ABCC4: variants seen among roughly 807,000 people sequenced by gnomAD.
ABCC4 encodes the protein ATP binding cassette subfamily C member 4 (PEL blood group).
In ABCC4, 102 loss-of-function variants were observed where a neutral mutation model predicts 168.5. The ratio of observed to expected loss-of-function variants is 0.61; its 90% CI spans 0.52 to 0.71. The LOEUF (loss-of-function observed/expected upper bound fraction) is 0.71. Ranked by LOEUF, ABCC4 falls within the 30% of genes least tolerant of loss-of-function variation. The pLI is 0.00. For missense variants in ABCC4, 1,402 were observed against 1,605.8 expected, an observed-to-expected ratio of 0.87 and a Z score of 2.17; for synonymous variants, 617 against 590.7, an observed-to-expected ratio of 1.04 and a Z score of -0.65.
rs186842316 is a variant in ABCC4, at chr13:95,176,057, C to T, written c.1727+1650G>A. Among the ~76,000 whole-genome samples, 58 of 152,212 alleles carry T rather than the reference C, an allele frequency of 3.8e-4. No individual in the cohort carries two copies. In the East Asian group the frequency reaches 9.7e-3, roughly 25 times the overall value. Reference sequence around the variant, plus strand: ...AATTGAATCCTACTCTCAGCCACCACAAACCCTTACCAGCCTGCAGGACCA... The same window carrying T: ...AATTGAATCCTACTCTCAGCCACCATAAACCCTTACCAGCCTGCAGGACCA... On this transcript the variant is annotated intron_variant, in intron 13 of 30. Transcript: ENST00000645237.
At chr13:95,234,059 G>A (rs915537528) in intron 4 of ABCC4, among the ~76,000 whole-genome samples, 3 of 152,172 alleles carry the variant, frequency 2.0e-5, no homozygotes, top group African/African-American at 7.2e-5. Context: ...TATGGAATAT[G>A]ACTAAATGGT....
Position 95,161,303 on chromosome 13 carries a change from C to A in ABCC4, c.2341G>T (p.Ala781Ser). 6.3e-7 allele frequency: 1 copy of A among 1,596,318 alleles called. No individual in the cohort carries two copies. The highest frequency in any genetic ancestry group is 1.8e-5 in the Admixed American group (1 of 54,390). The change falls in exon 19 of 31, where the codon GCA (alanine) becomes TCA (serine). Residue 781 changes from alanine (A) to serine (S), a missense_variant. By Grantham distance (99) the Ala-to-Ser change is moderately conservative. Coordinates refer to ENST00000645237, the MANE Select transcript of ABCC4 (RefSeq NM_005845.5). The part of the protein sequence containing the change: ...LTVATVLFGI[A>S]RSLLVFYVLV... ...ACGTAGAATACCAATAGAGATCTTG[C>A]TATGCCAAAAAGAACGGTAGCTACA... is the stretch of plus-strand genomic sequence containing the variant.
chr13:95,108,126 T>C (rs2035071886), intron 20 of ABCC4, among the ~76,000 whole-genome samples: 1 of 152,144 alleles, frequency 6.6e-6, no homozygotes, highest in African/African-American at 2.4e-5. Context: ...CCACTCAAAA[T>C]GTCTAAAAGA....
At position 95,173,413 on chromosome 13, in the gene ABCC4, G is replaced by A. The variant is rs573345908; in HGVS notation, c.1728-2785C>T. ...AGACAGAGAAAGCGCCATGCCCTCC[G>A]AGGAGCAGAAGAGAAAGGCAGGAGG... On this transcript the variant is annotated intron_variant, in intron 13 of 30. Coordinates refer to ENST00000645237, the MANE Select transcript of ABCC4 (RefSeq NM_005845.5). Among the ~76,000 whole-genome samples the A allele has an allele frequency of 1.4e-4, 21 of 152,356 alleles. No homozygotes were observed. In the East Asian group the frequency reaches 1.7e-3, roughly 13 times the overall value.
chr13:95,279,560 T>C (rs1394876182), intron 1 of ABCC4, among the ~76,000 whole-genome samples: 1 of 152,062 alleles, frequency 6.6e-6, no homozygotes, highest in Non-Finnish European at 1.5e-5. Flanking sequence ...AGCGCTGAAA[T>C]AAGGAGGGCA....
intron 19 of ABCC4, among the ~76,000 whole-genome samples, chr13:95,145,041 A>G (rs1432567797): frequency 6.6e-6 from 1 of 152,334 alleles, no homozygotes; most frequent in Admixed American, 6.5e-5. Flanking sequence ...GCATATGAAA[A>G]AAAGCTCAAC....
At chr13:95,033,388 C>T (rs1241776609) in intron 30 of ABCC4, among the ~76,000 whole-genome samples, 1 of 152,128 alleles carries the variant, frequency 6.6e-6, no homozygotes, top group Admixed American at 6.5e-5. Flanking sequence ...AAGCCAAGAA[C>T]ATTGGATGTT....
Position 95,071,644 on chromosome 13 carries a change from A to G in ABCC4, c.3210+18T>C. ...AAATCTTCTGAAATTGAGAAGAGGC[A>G]AGATGCTTTAAACAAACCTTTTCTT... On this transcript the variant is annotated intron_variant, in intron 25 of 30. Transcript: ENST00000645237. The G allele has an allele frequency of 7.1e-7, 1 of 1,402,526 alleles. No homozygotes were observed. The highest frequency in any genetic ancestry group is 1.9e-5 in the South Asian group (1 of 52,192). The allele number at this position is 1,402,526 out of a possible 1,614,324, so 86.9% of individuals were successfully genotyped here. A position where few individuals can be genotyped will look rare whatever the true frequency, so the allele number is the denominator to read the frequency against.
chr13:95,041,490 T>C (rs2032357909), intron 29 of ABCC4, among the ~76,000 whole-genome samples: 1 of 152,234 alleles, frequency 6.6e-6, no homozygotes, highest in East Asian at 1.9e-4. Context: ...ATTACAGGAC[T>C]GCATGATGAC....
At position 95,155,253 on chromosome 13, in the gene ABCC4, A is replaced by G. The variant is rs565193162; in HGVS notation, c.2455+5936T>C. 1.1e-4 allele frequency among the ~76,000 whole-genome samples: 16 copies of G among 152,014 alleles called. 1 individual carries two copies. The highest frequency in any genetic ancestry group is 3.9e-4 in the African/African-American group (16 of 41,454). On this transcript the variant is annotated intron_variant, in intron 19 of 30. Transcript: ENST00000645237. ...AGACAGGTTGGAGTGCAGTGATGCA[A>G]TCACAGCTCACTGCAGTCTTGACCT...
At chr13:95,301,003 G>GCCCCGCGT (rs1307272837) in intron 1 of ABCC4, among the ~76,000 whole-genome samples, 22 of 152,158 alleles carry the variant, frequency 1.4e-4, no homozygotes, top group Admixed American at 7.9e-4. Flanking sequence ...AAAGCCACTG[G>GCCCCGCGT]CCCCGCGTCC....
At chr13:95,096,985 T>C (rs1177128109) in intron 20 of ABCC4, among the ~76,000 whole-genome samples, 2 of 152,128 alleles carry the variant, frequency 1.3e-5, no homozygotes, top group South Asian at 2.1e-4. Flanking sequence ...TAAAGCAAAA[T>C]GGACCCAATA....
intron 30 of ABCC4, among the ~76,000 whole-genome samples, chr13:95,030,552 T>C (rs946828902): frequency 2.0e-5 from 3 of 152,148 alleles, no homozygotes; most frequent in Non-Finnish European, 4.4e-5. Context: ...AAGGTGTAAT[T>C]AAGTTAAAAT....
At chr13:95,064,765 G>A (rs569199827) in intron 25 of ABCC4, among the ~76,000 whole-genome samples, 2 of 152,190 alleles carry the variant, frequency 1.3e-5, no homozygotes, top group South Asian at 4.2e-4. Context: ...AAACTCAGGT[G>A]AGGATATAAT....
chr13:95,207,128 A>G (rs893561438), intron 7 of ABCC4, among the ~76,000 whole-genome samples: 1 of 152,214 alleles, frequency 6.6e-6, no homozygotes, highest in Non-Finnish European at 1.5e-5. Flanking sequence ...TCCTGGTTCA[A>G]GCGATTCTCC....
chr13:95,209,194 T>C (rs2038877003), intron 6 of ABCC4, among the ~76,000 whole-genome samples: 1 of 152,232 alleles, frequency 6.6e-6, no homozygotes, highest in Non-Finnish European at 1.5e-5. Context: ...ACTCTACTTA[T>C]TGAGGCCACA....
chr13:95,298,504 C>T (rs2041595170), intron 1 of ABCC4, among the ~76,000 whole-genome samples: 1 of 152,164 alleles, frequency 6.6e-6, no homozygotes, highest in African/African-American at 2.4e-5. Flanking sequence ...GCTGGAGAAT[C>T]TGCATCTCTT....
At chr13:95,062,985 A>G in intron 25 of ABCC4, 126 bp from the exon 26 acceptor site, 1 of 1,131,972 alleles carries the variant, frequency 8.8e-7, no homozygotes, top group East Asian at 2.5e-5. Context: ...AGTGTAGTCT[A>G]AGAGTTTCCC....
In ABCC4 at chr13:95,116,123, A is replaced by G. The variant is rs938007268; in HGVS notation, c.2456-122T>C. 3.9e-5 allele frequency: 24 copies of G among 617,526 alleles called. 1 individual carries two copies. In the Middle Eastern group the frequency reaches 1.3e-3, roughly 34 times the overall value. The allele number at this position is 617,526 out of a possible 1,614,324, so 38.3% of individuals were successfully genotyped here. ...ATGTATTTAATATATTATTCATATG[A>G]AATAAGCCGATGTCAGTGGTAAAGA... On this transcript the variant is annotated intron_variant, in intron 19 of 30. Coordinates refer to ENST00000645237, the MANE Select transcript of ABCC4 (RefSeq NM_005845.5).
Sources: gnomAD v4.1 joint callset for allele counts (sites outside exome capture counted in the v4.1 genomes callset) on GRCh38, gnomAD v4.1.1 for gene constraint, MANE v1.5 for transcripts, NCBI Gene and HGNC (gene_info 2026-07-23, HGNC 2026-07-21) for gene names.